Variants in SIPA1L2 observed in about 807,000 individuals in gnomAD.
The protein encoded by SIPA1L2 is signal-induced proliferation-associated 1-like protein 2.
Under a neutral mutation model 163.9 loss-of-function variants are expected in SIPA1L2, and 56 were observed. That is an observed-to-expected ratio of 0.34 (90% confidence interval 0.28 to 0.43). SIPA1L2 has a LOEUF of 0.43. Ranked by LOEUF, SIPA1L2 falls within the 20% of genes least tolerant of loss-of-function variation. The pLI is 1.00. For missense variants in SIPA1L2, 1,974 were observed against 2,193.5 expected, an observed-to-expected ratio of 0.90 and a Z score of 2.00; for synonymous variants, 877 against 865.7, an observed-to-expected ratio of 1.01 and a Z score of -0.23.
At chr1:232,572,752 T>TACATAC (rs1170472489) in intron 2 of SIPA1L2, among the ~76,000 whole-genome samples, 11 of 113,376 alleles carry the variant, frequency 9.7e-5, no homozygotes, top group South Asian at 2.9e-4. Flanking sequence ...TATATATATA[T>TACATAC]ATATATATAT....
intron 2 of SIPA1L2, among the ~76,000 whole-genome samples, chr1:232,524,618 A>G (rs1282727391): frequency 6.6e-6 from 1 of 152,230 alleles, no homozygotes; most frequent in Non-Finnish European, 1.5e-5. Context: ...CAGTCTTAAC[A>G]GTCAGTGATC....
At position 232,399,591 on chromosome 1, in the gene SIPA1L2, T is replaced by C. The variant is rs569358534; in HGVS notation, c.5023-318A>G. Among the ~76,000 whole-genome samples the C allele has an allele frequency of 2.4e-3, 361 of 152,206 alleles. 3 individuals carry two copies. Among genetic ancestry groups the C allele is most frequent in the African/African-American group, 8.5e-3 (355 of 41,536 alleles). ...CAAAAAAGGGAGACTACAGGGAGGT[T>C]AAAGGTAATACCCTTTTGACAAATG... On this transcript the variant is annotated intron_variant, in intron 22 of 22. Transcript: ENST00000674635.
At chr1:232,586,765 A>C (rs2102817576) in intron 1 of SIPA1L2, among the ~76,000 whole-genome samples, 1 of 152,364 alleles carries the variant, frequency 6.6e-6, no homozygotes, top group South Asian at 2.1e-4. Context: ...TTACAATGCG[A>C]AACTGCTGGG....
chr1:232,523,046 C>T (rs138915717), intron 2 of SIPA1L2, among the ~76,000 whole-genome samples: 1 of 152,338 alleles, frequency 6.6e-6, no homozygotes, highest in African/African-American at 2.4e-5. Flanking sequence ...CAGGGAAGCA[C>T]TATTCTCTTC....
At chr1:232,431,517 C>G (rs1037865696) in intron 16 of SIPA1L2, among the ~76,000 whole-genome samples, 1 of 152,234 alleles carries the variant, frequency 6.6e-6, no homozygotes, top group Non-Finnish European at 1.5e-5. Flanking sequence ...AAGCCACGCT[C>G]AGCACCACAC....
chr1:232,515,474 A>G lies in SIPA1L2; in HGVS notation c.-135T>C. 1.1e-6 allele frequency: 1 copy of G among 916,868 alleles called. No individual in the cohort carries two copies. Among genetic ancestry groups the G allele is most frequent in the Non-Finnish European group, 1.6e-6 (1 of 638,804 alleles). 56.8% of individuals were successfully genotyped at this position (916,868 alleles called of 1,614,324 possible). A position where few individuals can be genotyped will look rare whatever the true frequency, so the allele number is the denominator to read the frequency against. ...TTGTATTTTTTCTTTTCTTAGCCCA[A>G]AGCAAACAACATCCTCAGAATACAG... On this transcript the variant is annotated 5_prime_UTR_variant, in exon 3 of 23. Coordinates refer to ENST00000674635, the MANE Select transcript of SIPA1L2 (RefSeq NM_020808.5).
chr1:232,520,180 C>G (rs1344001047), intron 2 of SIPA1L2, among the ~76,000 whole-genome samples: 1 of 152,216 alleles, frequency 6.6e-6, no homozygotes, highest in Non-Finnish European at 1.5e-5. Flanking sequence ...CTGTGAGGGG[C>G]ACTGGTCTTC....
At position 232,460,995 on chromosome 1, in the gene SIPA1L2, T is replaced by C. The variant is rs1190057318; in HGVS notation, c.2987A>G (p.Lys996Arg). Residue 996 changes from lysine (K) to arginine (R), a missense_variant, in exon 10 of 23, where the codon AAA becomes AGA. Transcript: ENST00000674635. ...RQGSRLVEICKVAVATLTHEQ... is the reference protein window; with the variant it reads ...RQGSRLVEICRVAVATLTHEQ... ...GTGGGTCAGAGTGGCCACGGCTACTTTGCAGATCTCCACGAGGCGGCTCCC... is the reference window on the plus strand; with the variant it reads ...GTGGGTCAGAGTGGCCACGGCTACTCTGCAGATCTCCACGAGGCGGCTCCC... 3.7e-6 allele frequency: 6 copies of C among 1,614,088 alleles called. No individual in the cohort carries two copies. The highest frequency in any genetic ancestry group is 4.2e-6 in the Non-Finnish European group (5 of 1,180,002).
At chr1:232,619,090 G>C (rs1662659838) in intron 1 of SIPA1L2, among the ~76,000 whole-genome samples, 1 of 152,192 alleles carries the variant, frequency 6.6e-6, no homozygotes, top group African/African-American at 2.4e-5. Context: ...TATTTAAGCA[G>C]ATCATTTTAA....
chr1:232,572,738 CATATATATATATATATATATATATATAT>C (rs1219493276), intron 2 of SIPA1L2, among the ~76,000 whole-genome samples: 1 of 39,712 alleles, frequency 2.5e-5, no homozygotes, highest in Non-Finnish European at 5.5e-5. Context: ...TACATACATA[CATATATATATATATATATATATATATAT>C]ATATATATAT....
chr1:232,475,260 C>T lies in SIPA1L2; in HGVS notation c.2086-3732G>A, dbSNP rs937444382. On this transcript the variant is annotated intron_variant, in intron 7 of 22. Coordinates refer to ENST00000674635, the MANE Select transcript of SIPA1L2 (RefSeq NM_020808.5). ...TATAGACAGCGTCTTGTCCCTCCTA[C>T]AGAACAACTGGTTCCCACCCAAGGA... 3.9e-5 allele frequency among the ~76,000 whole-genome samples: 6 copies of T among 152,162 alleles called. No individual in the cohort carries two copies. In the East Asian group the frequency reaches 1.2e-3, roughly 29 times the overall value.
intron 1 of SIPA1L2, among the ~76,000 whole-genome samples, chr1:232,585,227 T>C (rs1366579958): frequency 3.3e-5 from 5 of 152,226 alleles, no homozygotes; most frequent in Non-Finnish European, 1.5e-5. Flanking sequence ...ACACAACTTC[T>C]ATCAATTTTC....
intron 3 of SIPA1L2, among the ~76,000 whole-genome samples, chr1:232,505,882 G>C (rs563889605): frequency 1.3e-5 from 2 of 152,152 alleles, no homozygotes; most frequent in East Asian, 3.9e-4. Context: ...CTGTTCACCC[G>C]TATGAATTTA....
intron 12 of SIPA1L2, among the ~76,000 whole-genome samples, chr1:232,442,118 A>G (rs1662937894): frequency 6.6e-6 from 1 of 152,152 alleles, no homozygotes; most frequent in Non-Finnish European, 1.5e-5. Flanking sequence ...ACAGATAAAG[A>G]AGGGCTGCTG....
At chr1:232,620,435 G>A (rs139700301) in intron 1 of SIPA1L2, among the ~76,000 whole-genome samples, 5 of 152,284 alleles carry the variant, frequency 3.3e-5, no homozygotes, top group African/African-American at 1.2e-4. Context: ...AACAAAGAGC[G>A]TAGTAAGATG....
intron 1 of SIPA1L2, among the ~76,000 whole-genome samples, chr1:232,595,118 C>T (rs2102837720): frequency 6.6e-6 from 1 of 152,286 alleles, no homozygotes; most frequent in South Asian, 2.1e-4. Flanking sequence ...ACCTTGCTTA[C>T]CACTTTTCAA....
intron 3 of SIPA1L2, among the ~76,000 whole-genome samples, chr1:232,502,623 T>C (rs1666537308): frequency 1.3e-5 from 2 of 152,212 alleles, no homozygotes; most frequent in Non-Finnish European, 2.9e-5. Context: ...AGACCCATTT[T>C]CCTCTTTCTG....
At chr1:232,462,388 AC>A (rs1457497615) in intron 9 of SIPA1L2, 24 of 1,479,682 alleles carry the variant, frequency 1.6e-5, no homozygotes, top group Non-Finnish European at 2.1e-5. Context: ...CTACATAGAT[AC>A]CTATTTAATA....
At chr1:232,611,841 G>T (rs1469380299) in intron 1 of SIPA1L2, among the ~76,000 whole-genome samples, 2 of 152,148 alleles carry the variant, frequency 1.3e-5, no homozygotes, top group African/African-American at 4.8e-5. Context: ...TAAATAATGA[G>T]GAGCCAACTG....
Sources: gnomAD v4.1 joint callset for allele counts (sites outside exome capture counted in the v4.1 genomes callset) on GRCh38, gnomAD v4.1.1 for gene constraint, MANE v1.5 for transcripts, NCBI Gene and HGNC (gene_info 2026-07-23, HGNC 2026-07-21) for gene names.